Variants in RHOBTB3 observed in about 807,000 individuals in gnomAD.
RHOBTB3 encodes the protein Rho related BTB domain containing 3.
A neutral mutation model predicts 67.2 loss-of-function variants in RHOBTB3; 47 were observed. That is an observed-to-expected ratio of 0.70 (90% CI 0.55 to 0.89). The LOEUF (loss-of-function observed/expected upper bound fraction) is 0.89. RHOBTB3 is among the 40% of genes least tolerant of loss of function. The pLI, the probability that RHOBTB3 is intolerant of heterozygous loss-of-function variation, is 0.00. For synonymous variants in RHOBTB3, 273 were observed against 274.2 expected (o/e 1.00, Z 0.04); for missense variants, 631 against 750.0 (o/e 0.84, Z 1.85).
intron 11 of RHOBTB3, among the ~76,000 whole-genome samples, chr5:95,790,318 G>T (rs1176363300): frequency 2.0e-5 from 3 of 152,174 alleles, no homozygotes; most frequent in Non-Finnish European, 4.4e-5. Flanking sequence ...TATTTAAGAA[G>T]CTTGCTAAAA....
intron 8 of RHOBTB3, among the ~76,000 whole-genome samples, chr5:95,773,804 G>A (rs951265386): frequency 3.3e-5 from 5 of 152,170 alleles, no homozygotes; most frequent in Non-Finnish European, 7.3e-5. Context: ...AATGGAGCGT[G>A]TTTGAATTTG....
intron 1 of RHOBTB3, among the ~76,000 whole-genome samples, chr5:95,725,697 A>G (rs1031208784): frequency 1.3e-5 from 2 of 152,228 alleles, no homozygotes; most frequent in African/African-American, 2.4e-5. Context: ...AACCTCTTAC[A>G]GTGCTGTGTA....
At chr5:95,780,738 G>A (rs574489826) in intron 9 of RHOBTB3, among the ~76,000 whole-genome samples, 26 of 152,316 alleles carry the variant, frequency 1.7e-4, no homozygotes, top group East Asian at 9.6e-4. Context: ...CATGGCTACC[G>A]TAATTCTAGA....
At chr5:95,761,585 A>G (rs1366589206) in intron 6 of RHOBTB3, among the ~76,000 whole-genome samples, 2 of 152,076 alleles carry the variant, frequency 1.3e-5, no homozygotes, top group African/African-American at 4.8e-5. Flanking sequence ...TGAAATTTCT[A>G]AAGGGAAAGC....
intron 9 of RHOBTB3, chr5:95,782,526 G>A (rs1471204195): frequency 6.6e-6 from 1 of 152,288 alleles, no homozygotes; most frequent in Non-Finnish European, 1.5e-5. Flanking sequence ...TGGTTAAAAT[G>A]GGCCGGATGT....
intron 8 of RHOBTB3, 133 bp downstream of exon 8, chr5:95,768,299 C>T: frequency 1.5e-6 from 1 of 669,936 alleles, no homozygotes; most frequent in Non-Finnish European, 2.4e-6. Context: ...ATTAATACTA[C>T]CTTAATGTCA....
intron 8 of RHOBTB3, 109 bp from the exon 9 acceptor site, chr5:95,780,143 A>G (rs1277554857): frequency 5.3e-6 from 4 of 753,628 alleles, no homozygotes; most frequent in Admixed American, 2.9e-5. Flanking sequence ...CAGATTCTGC[A>G]TATCAGCCTA....
Position 95,752,343 on chromosome 5 carries a change from A to G in RHOBTB3, c.675A>G (p.Glu225=). 2.5e-6 allele frequency: 4 copies of G among 1,592,038 alleles called. No individual in the cohort carries two copies. Among genetic ancestry groups the G allele is most frequent in the Non-Finnish European group, 3.4e-6 (4 of 1,165,662 alleles). Residue 225 remains glutamate, a synonymous_variant, in exon 5 of 12, where the codon GAA becomes GAG. Coordinates refer to ENST00000379982, the MANE Select transcript of RHOBTB3 (RefSeq NM_014899.4). The part of the protein sequence containing the change: ...SFHGIRPPQL[E]QPEKMPVLKA... ...ATGGAATTAGACCACCTCAACTTGA[A>G]CAACCAGGTGCATTTCTTAGCCAAT...
chr5:95,789,790 C>G (rs752781266), intron 11 of RHOBTB3: 1 of 152,204 alleles, frequency 6.6e-6, no homozygotes, highest in Non-Finnish European at 1.5e-5. Context: ...TCCACTTTAT[C>G]TGTTTCATAT....
At chr5:95,745,617 T>C (rs1381262293) in intron 3 of RHOBTB3, among the ~76,000 whole-genome samples, 1 of 152,052 alleles carries the variant, frequency 6.6e-6, no homozygotes, top group Non-Finnish European at 1.5e-5. Flanking sequence ...TGTTATCCAT[T>C]TGAATGTCAG....
intron 1 of RHOBTB3, 49 bp downstream of exon 1, chr5:95,731,733 T>C (rs1311650591): frequency 6.2e-7 from 1 of 1,612,382 alleles, no homozygotes; most frequent in Admixed American, 1.7e-5. Flanking sequence ...GCGCGTGCCG[T>C]GCGCCCCAGG....
intron 2 of RHOBTB3, among the ~76,000 whole-genome samples, chr5:95,735,211 C>A (rs779418671): frequency 5.3e-5 from 8 of 150,940 alleles, no homozygotes; most frequent in Non-Finnish European, 1.0e-4. Flanking sequence ...CTTGCACCCT[C>A]TACCAAGTTC....
upstream of RHOBTB3, among the ~76,000 whole-genome samples, chr5:95,727,531 C>T (rs1207404711): frequency 6.6e-6 from 1 of 152,140 alleles, no homozygotes; most frequent in Non-Finnish European, 1.5e-5. Flanking sequence ...GGCATTTCAG[C>T]CACTAAAATA....
intron 5 of RHOBTB3, among the ~76,000 whole-genome samples, chr5:95,753,946 C>A (rs12656408): frequency 6.6e-6 from 1 of 152,044 alleles, no homozygotes; most frequent in Non-Finnish European, 1.5e-5. Flanking sequence ...CCCGTTTCTA[C>A]TAAAAATACA....
intron 7 of RHOBTB3, among the ~76,000 whole-genome samples, chr5:95,766,696 CAG>C (rs1745554280): frequency 1.3e-5 from 2 of 151,746 alleles, no homozygotes; most frequent in Admixed American, 6.6e-5. Context: ...GGTTGGCACA[CAG>C]GGGATACCTG....
chr5:95,781,578 T>A (rs961747502), intron 9 of RHOBTB3: 11 of 152,260 alleles, frequency 7.2e-5, no homozygotes, highest in Non-Finnish European at 1.6e-4. Context: ...TACGGCCAGG[T>A]GCCGTAGCTC....
chr5:95,723,474 T>C (rs1403463978), intron 1 of RHOBTB3, among the ~76,000 whole-genome samples: 1 of 152,246 alleles, frequency 6.6e-6, no homozygotes, highest in Non-Finnish European at 1.5e-5. Flanking sequence ...ACTGACTAAA[T>C]GGTTATTGGC....
chr5:95,747,421 C>T (rs376892456), intron 3 of RHOBTB3, among the ~76,000 whole-genome samples: 4 of 152,196 alleles, frequency 2.6e-5, no homozygotes, highest in African/African-American at 4.8e-5. Flanking sequence ...TGCCTCCCCA[C>T]GGGAAGCCAA....
chr5:95,726,582 C>G (rs1328147873), upstream of RHOBTB3, among the ~76,000 whole-genome samples: 1 of 152,022 alleles, frequency 6.6e-6, no homozygotes, highest in African/African-American at 2.4e-5. Context: ...CTTTATAATC[C>G]ATTATTTTGG....
Sources: gnomAD v4.1 joint callset for allele counts (sites outside exome capture counted in the v4.1 genomes callset) on GRCh38, gnomAD v4.1.1 for gene constraint, MANE v1.5 for transcripts, NCBI Gene and HGNC (gene_info 2026-07-23, HGNC 2026-07-21) for gene names.